The following GALK2 variants were observed in gnomAD, a reference collection of about 807,000 sequenced individuals.
GALK2 encodes N-acetylgalactosamine kinase.
GALK2 carries 36 observed loss-of-function variants against 52.4 expected under a neutral mutation model. That is an observed-to-expected ratio of 0.69 (90% CI 0.53 to 0.91). The LOEUF (loss-of-function observed/expected upper bound fraction) is 0.91. Among genes scored for constraint, GALK2 ranks in the 40% least tolerant of loss-of-function variants. GALK2 has a pLI of 0.00. For missense variants in GALK2, 579 were observed against 559.1 expected, an observed-to-expected ratio of 1.04 and a Z score of -0.36; for synonymous variants, 176 against 199.1, an observed-to-expected ratio of 0.88 and a Z score of 0.98.
intron 8 of GALK2, among the ~76,000 whole-genome samples, chr15:49,296,493 A>T (rs576857744): frequency 2.0e-5 from 3 of 152,096 alleles, no homozygotes; most frequent in Non-Finnish European, 4.4e-5. Flanking sequence ...TCCACAGTGT[A>T]TTTGCACCAC....
chr15:49,299,784 T>TTTCTTTCCTTCC (rs1567037757), intron 8 of GALK2, among the ~76,000 whole-genome samples: 3 of 140,160 alleles, frequency 2.1e-5, no homozygotes, highest in African/African-American at 8.2e-5. Context: ...TCTTTCTTTC[T>TTTCTTTCCTTCC]TTCTTTCTTT....
At chr15:49,260,294 C>T (rs1037754926) in intron 5 of GALK2, among the ~76,000 whole-genome samples, 1 of 152,190 alleles carries the variant, frequency 6.6e-6, no homozygotes, top group African/African-American at 2.4e-5. Context: ...GAGATGGTAT[C>T]TCATTGTGGT....
intron 1 of GALK2, among the ~76,000 whole-genome samples, chr15:49,188,929 A>G (rs1054941578): frequency 1.3e-5 from 2 of 152,224 alleles, no homozygotes; most frequent in Non-Finnish European, 2.9e-5. Context: ...GAAGAAGCAC[A>G]AGGAAACAGC....
At chr15:49,224,797 G>GT (rs1355918058) in intron 3 of GALK2, among the ~76,000 whole-genome samples, 2 of 152,050 alleles carry the variant, frequency 1.3e-5, no homozygotes, top group African/African-American at 2.4e-5. Context: ...TTTTACTTTA[G>GT]TTTTTTCACT....
At chr15:49,228,660 GATATAT>G (rs34288229) in intron 3 of GALK2, among the ~76,000 whole-genome samples, 12 of 14,226 alleles carry the variant, frequency 8.4e-4, no homozygotes, top group Non-Finnish European at 1.1e-3. Flanking sequence ...GTCTTTCACT[GATATAT>G]ATATATATAT....
chr15:49,178,191 A>AAAATATATATATAT (rs2085627367), intron 1 of GALK2, among the ~76,000 whole-genome samples: 1 of 87,106 alleles, frequency 1.1e-5, no homozygotes, highest in Non-Finnish European at 2.2e-5. Flanking sequence ...AAAAAAAAGA[A>AAAATATATATATAT]ATACTATATA....
chr15:49,366,521 G>T, intron 3 of GALK2: 1 of 1,458,008 alleles, frequency 6.9e-7, no homozygotes, highest in Non-Finnish European at 9.6e-7. Flanking sequence ...ATTTTCTAGG[G>T]TACTTGGAAG....
intron 1 of GALK2, among the ~76,000 whole-genome samples, chr15:49,163,363 G>C (rs1423629262): frequency 1.3e-5 from 2 of 152,162 alleles, no homozygotes; most frequent in African/African-American, 4.8e-5. Context: ...AGTTGTAAGA[G>C]TTCTTTATGC....
At chr15:49,310,861 T>G (rs2035932029) in intron 8 of GALK2, among the ~76,000 whole-genome samples, 1 of 152,166 alleles carries the variant, frequency 6.6e-6, no homozygotes, top group Non-Finnish European at 1.5e-5. Flanking sequence ...TATTGATAGG[T>G]TTCCTTTGCT....
chr15:49,185,679 G>A (rs1228560984), intron 1 of GALK2: 2 of 152,136 alleles, frequency 1.3e-5, no homozygotes, highest in African/African-American at 4.8e-5. Flanking sequence ...TGTAAGGTGG[G>A]TATCTCATTG....
Position 49,328,499 on chromosome 15 carries a change from TGTTACAATTA to T in GALK2, c.*341_*350del. 6.3e-7 allele frequency: 1 copy of T among 1,580,790 alleles called. No individual in the cohort carries two copies. Among genetic ancestry groups the T allele is most frequent in the Admixed American group, 1.8e-5 (1 of 56,440 alleles). On this transcript the variant is annotated 3_prime_UTR_variant, in exon 10 of 10. Coordinates refer to ENST00000560031, the MANE Select transcript of GALK2 (RefSeq NM_002044.4). ...TGGATTGGACTTGAATTAAATATAT[TGTTACAATTA>T]AACTGATACCACTGAATTGTATGCA... is the stretch of plus-strand genomic sequence containing the variant.
intron 3 of GALK2, among the ~76,000 whole-genome samples, chr15:49,352,411 A>T (rs1334759514): frequency 1.3e-5 from 2 of 152,158 alleles, no homozygotes; most frequent in Non-Finnish European, 2.9e-5. Flanking sequence ...TGAAAAATAT[A>T]ATCTGCCATA....
At chr15:49,251,451 A>G (rs1301610369) in intron 5 of GALK2, among the ~76,000 whole-genome samples, 6 of 152,204 alleles carry the variant, frequency 3.9e-5, no homozygotes. Flanking sequence ...TTAGGTAGAG[A>G]CATGAAGAGA....
At chr15:49,240,077 T>C (rs181892200) in intron 5 of GALK2, among the ~76,000 whole-genome samples, 1 of 152,330 alleles carries the variant, frequency 6.6e-6, no homozygotes, top group East Asian at 1.9e-4. Context: ...CTTTTAAGCA[T>C]GTTTAAACTT....
chr15:49,335,109 G>C (rs2039473602), downstream of GALK2, among the ~76,000 whole-genome samples: 6 of 152,072 alleles, frequency 3.9e-5, no homozygotes. Context: ...GTCTTCCAGG[G>C]CTTATCTTTG....
chr15:49,348,028 A>G (rs1246677072), intron 3 of GALK2, among the ~76,000 whole-genome samples: 2 of 151,606 alleles, frequency 1.3e-5, no homozygotes, highest in East Asian at 3.9e-4. Context: ...TCAAAAAAAA[A>G]AAAAAAAAAA....
At chr15:49,269,836 T>G (rs2030133255) in intron 5 of GALK2, among the ~76,000 whole-genome samples, 1 of 152,246 alleles carries the variant, frequency 6.6e-6, no homozygotes. Flanking sequence ...AGATTTTCCT[T>G]CTATTTAATC....
At chr15:49,157,391 A>G (rs1196257267) in intron 1 of GALK2, among the ~76,000 whole-genome samples, 1 of 152,122 alleles carries the variant, frequency 6.6e-6, no homozygotes, top group Non-Finnish European at 1.5e-5. Context: ...TAAAATTACT[A>G]CCCCAGGGAA....
In GALK2 at chr15:49,189,785, A is replaced by G. The variant is rs189139192; in HGVS notation, c.54-11377A>G. On this transcript the variant is annotated intron_variant, in intron 1 of 9. Transcript: ENST00000560031. ...AGACTCATGACCTGGGCAGGGCAAAATGGGACAGTGTGAGATTTTATTATG... is the reference window on the plus strand; with the variant it reads ...AGACTCATGACCTGGGCAGGGCAAAGTGGGACAGTGTGAGATTTTATTATG... 1.3e-3 allele frequency among the ~76,000 whole-genome samples: 195 copies of G among 152,290 alleles called. 3 individuals are homozygous for G. The highest frequency in any genetic ancestry group is 0.011 in the Admixed American group (170 of 15,282).
Sources: gnomAD v4.1 joint callset for allele counts (sites outside exome capture counted in the v4.1 genomes callset) on GRCh38, gnomAD v4.1.1 for gene constraint, MANE v1.5 for transcripts, NCBI Gene and HGNC (gene_info 2026-07-23, HGNC 2026-07-21) for gene names.